TPST1: variants seen among roughly 807,000 people sequenced by gnomAD.
TPST1 encodes the protein protein-tyrosine sulfotransferase 1.
TPST1 carries 20 observed loss-of-function variants against 34.8 expected under a neutral mutation model. The observed-to-expected ratio is 0.57, with a 90% CI of 0.40 to 0.84. TPST1 has a LOEUF of 0.84. Among genes scored for constraint, TPST1 ranks in the 40% least tolerant of loss-of-function variants. TPST1 has a pLI of 0.00. For synonymous variants in TPST1, 152 were observed against 159.4 expected, an observed-to-expected ratio of 0.95 and a Z score of 0.35; for missense variants, 353 against 455.5, an observed-to-expected ratio of 0.78 and a Z score of 2.05.
chr7:66,286,584 C>G lies in TPST1; in HGVS notation c.919C>G (p.Pro307Ala). ...TCTATCAAAATGGGTTGGGAAGATA[C>G]CGCCAGATGTTTTACAAGACATGGC... ...GALSKWVGKI[P>A]PDVLQDMAVI... The change falls in exon 3 of 6, where the codon CCG becomes GCG. Residue 307 changes from proline to alanine, a missense_variant. Coordinates refer to ENST00000304842, the MANE Select transcript of TPST1 (RefSeq NM_003596.4). The G allele has an allele frequency of 6.2e-7, 1 of 1,610,340 alleles. No homozygotes were observed. The highest frequency in any genetic ancestry group is 8.5e-7 in the Non-Finnish European group (1 of 1,177,728).
At chr7:66,354,041 CA>C (rs1402957533) in intron 4 of TPST1, among the ~76,000 whole-genome samples, 1 of 152,216 alleles carries the variant, frequency 6.6e-6, no homozygotes, top group African/African-American at 2.4e-5. Context: ...TTCATCCATT[CA>C]TTCACTTATT....
intron 1 of TPST1, among the ~76,000 whole-genome samples, chr7:66,226,314 A>G (rs1230005016): frequency 1.3e-5 from 2 of 152,118 alleles, no homozygotes; most frequent in Non-Finnish European, 2.9e-5. Context: ...GGACTAAGTA[A>G]AATATATATG....
intron 3 of TPST1, among the ~76,000 whole-genome samples, chr7:66,334,377 T>G (rs1373274312): frequency 6.6e-6 from 1 of 152,150 alleles, no homozygotes; most frequent in Admixed American, 6.5e-5. Context: ...GGCTCACTCC[T>G]GTAATCCCAG....
intron 3 of TPST1, among the ~76,000 whole-genome samples, chr7:66,350,072 A>G (rs1341313736): frequency 1.3e-5 from 2 of 152,072 alleles, no homozygotes; most frequent in Non-Finnish European, 2.9e-5. Flanking sequence ...CTGGAGTGCA[A>G]TGCTGAGATC....
At chr7:66,222,459 A>G (rs530740618) in intron 1 of TPST1, among the ~76,000 whole-genome samples, 1 of 152,236 alleles carries the variant, frequency 6.6e-6, no homozygotes, top group African/African-American at 2.4e-5. Context: ...TAAATAATGA[A>G]TGGGTTTTAA....
intron 4 of TPST1, among the ~76,000 whole-genome samples, chr7:66,355,902 CAAAAAAA>C (rs573200695): frequency 7.2e-4 from 41 of 56,896 alleles, no homozygotes; most frequent in African/African-American, 1.1e-3. Flanking sequence ...AAGACTCCAT[CAAAAAAA>C]AAAAAAAAAA....
chr7:66,204,278 A>C (rs62465526), upstream of TPST1, among the ~76,000 whole-genome samples: 5,598 of 152,226 alleles, frequency 0.037, 165 homozygotes, highest in East Asian at 0.089. Context: ...AAAATATTAT[A>C]CTGTGTGCAA....
At position 66,235,156 on chromosome 7, in the gene TPST1, A is replaced by G. The variant is rs150539377; in HGVS notation, c.-101-5169A>G. Among the ~76,000 whole-genome samples, 40 of 150,424 alleles carry G rather than the reference A, an allele frequency of 2.7e-4. No individual in the cohort carries two copies. In the East Asian group the frequency reaches 7.4e-3, roughly 28 times the overall value. ...GGATATCATCTTAAGTGTGTCTTTT[A>G]ACATAATGGATGCAATGTTCTGCAT... On this transcript the variant is annotated intron_variant, in intron 1 of 5. Coordinates refer to ENST00000304842, the MANE Select transcript of TPST1 (RefSeq NM_003596.4).
chr7:66,218,356 T>C (rs1247405910), intron 1 of TPST1, among the ~76,000 whole-genome samples: 1 of 152,224 alleles, frequency 6.6e-6, no homozygotes, highest in Non-Finnish European at 1.5e-5. Flanking sequence ...AAGCTACTAG[T>C]TCTTTGAAGG....
chr7:66,224,466 G>A (rs1290550179), intron 1 of TPST1, among the ~76,000 whole-genome samples: 9 of 152,164 alleles, frequency 5.9e-5, no homozygotes, highest in Non-Finnish European at 2.9e-5. Context: ...TTTTAGGGGC[G>A]TTGTTACATT....
At chr7:66,322,405 C>T (rs1359553478) in intron 3 of TPST1, among the ~76,000 whole-genome samples, 2 of 152,170 alleles carry the variant, frequency 1.3e-5, no homozygotes, top group African/African-American at 4.8e-5. Flanking sequence ...TTCTTCTTCT[C>T]CCCACTCCCC....
intron 2 of TPST1, among the ~76,000 whole-genome samples, chr7:66,255,140 C>A (rs1009501163): frequency 3.7e-5 from 3 of 80,684 alleles, no homozygotes; most frequent in Admixed American, 1.5e-4. Context: ...AGCGAGACAA[C>A]GTCTCAAAAA....
chr7:66,211,085 T>C (rs1299159709), intron 1 of TPST1, among the ~76,000 whole-genome samples: 1 of 152,152 alleles, frequency 6.6e-6, no homozygotes, highest in Non-Finnish European at 1.5e-5. Context: ...AAAGGAGTTA[T>C]CACATTTTAT....
chr7:66,249,682 T>G (rs547546122), intron 2 of TPST1, among the ~76,000 whole-genome samples: 5 of 152,346 alleles, frequency 3.3e-5, no homozygotes, highest in Non-Finnish European at 5.9e-5. Flanking sequence ...TTTGTTTGCT[T>G]CATTTGTGGA....
chr7:66,348,200 A>G (rs765028500), intron 3 of TPST1, among the ~76,000 whole-genome samples: 15 of 152,080 alleles, frequency 9.9e-5, no homozygotes, highest in Non-Finnish European at 2.1e-4. Context: ...CTCTATTTCT[A>G]TCTCCTTGGT....
At chr7:66,222,311 G>T (rs1023405332) in intron 1 of TPST1, among the ~76,000 whole-genome samples, 1 of 152,008 alleles carries the variant, frequency 6.6e-6, no homozygotes, top group Admixed American at 6.6e-5. Flanking sequence ...CATGAACCCC[G>T]GGAGGTGGAG....
At chr7:66,303,859 G>A (rs1488686322) in intron 3 of TPST1, among the ~76,000 whole-genome samples, 1 of 152,112 alleles carries the variant, frequency 6.6e-6, no homozygotes, top group African/African-American at 2.4e-5. Flanking sequence ...AACCTTACAC[G>A]TAGAAAAAGA....
chr7:66,220,891 G>A (rs1243656029), intron 1 of TPST1, among the ~76,000 whole-genome samples: 1 of 152,186 alleles, frequency 6.6e-6, no homozygotes, highest in Non-Finnish European at 1.5e-5. Flanking sequence ...CCAATGTTTT[G>A]GGAGGCCAAG....
chr7:66,337,471 G>A (rs938971010), intron 3 of TPST1, among the ~76,000 whole-genome samples: 1 of 151,874 alleles, frequency 6.6e-6, no homozygotes. Context: ...AACACACCTG[G>A]CTTATTTTTG....
Sources: allele counts gnomAD v4.1 joint callset (sites outside exome capture counted in the v4.1 genomes callset), GRCh38; gene constraint gnomAD v4.1.1; transcripts MANE v1.5; gene names NCBI Gene and HGNC (gene_info 2026-07-23, HGNC 2026-07-21).